The following SGMS2 variants were observed in gnomAD, a reference collection of about 807,000 sequenced individuals.
SGMS2 encodes sphingomyelin synthase 2.
In SGMS2, 21 loss-of-function variants were observed where a neutral mutation model predicts 43.8. The ratio of observed to expected loss-of-function variants is 0.48; its 90% confidence interval spans 0.34 to 0.69. The LOEUF is 0.69. SGMS2 is among the 30% of genes least tolerant of loss of function. The pLI is 0.01. For missense variants in SGMS2, 384 were observed against 443.2 expected, an observed-to-expected ratio of 0.87 and a Z score of 1.20; for synonymous variants, 167 against 160.6, an observed-to-expected ratio of 1.04 and a Z score of -0.30.
At chr4:107,837,561 A>G (rs1307028711) in intron 1 of SGMS2, among the ~76,000 whole-genome samples, 1 of 152,164 alleles carries the variant, frequency 6.6e-6, no homozygotes, top group African/African-American at 2.4e-5. Flanking sequence ...TAGGGCTGGC[A>G]TGCTTTGTAA....
chr4:107,903,924 C>G (rs1731339834), intron 5 of SGMS2, among the ~76,000 whole-genome samples: 1 of 152,046 alleles, frequency 6.6e-6, no homozygotes, highest in South Asian at 2.1e-4. Context: ...CTTCATGGAC[C>G]ATTTTGCCAA....
At position 107,885,681 on chromosome 4, in the gene SGMS2, A is replaced by G. The variant is rs1030815333; in HGVS notation, c.-244-9629A>G. Among the ~76,000 whole-genome samples the G allele has an allele frequency of 2.6e-5, 4 of 152,342 alleles. No individual in the cohort carries two copies. The South Asian group carries it at 8.3e-4, about 32-fold the overall frequency. On this transcript the variant is annotated intron_variant, in intron 2 of 6. Transcript: ENST00000690982. ...CCAAGAAAATGAAAACAAAACAGGC[A>G]GGTAATGACTAAAAGGCAGAAAAGA... is the stretch of plus-strand genomic sequence containing the variant.
At chr4:107,869,495 G>T (rs1728392001) in intron 2 of SGMS2, among the ~76,000 whole-genome samples, 1 of 152,182 alleles carries the variant, frequency 6.6e-6, no homozygotes. Flanking sequence ...GTAGGGGCCA[G>T]ATTATGAAAA....
chr4:107,842,696 C>A (rs1023951381), intron 1 of SGMS2, among the ~76,000 whole-genome samples: 4 of 152,162 alleles, frequency 2.6e-5, no homozygotes, highest in African/African-American at 9.7e-5. Context: ...TTGAGGCAGG[C>A]TCATTCTATC....
At chr4:107,879,914 TC>T (rs1422699359) in intron 2 of SGMS2, among the ~76,000 whole-genome samples, 2 of 152,186 alleles carry the variant, frequency 1.3e-5, no homozygotes, top group Admixed American at 1.3e-4. Context: ...GAAAGAAACT[TC>T]CAGCCCACTT....
rs1261984781 is a variant in SGMS2, at chr4:107,855,150, G to A, written c.-326-3322G>A. On this transcript the variant is annotated intron_variant, in intron 1 of 6. Transcript: ENST00000690982. ...TAATGCTTACTATATACCAGGTGCTGTTTCTGATGTCTTTATTAGTATTAA... is the reference window on the plus strand; with the variant it reads ...TAATGCTTACTATATACCAGGTGCTATTTCTGATGTCTTTATTAGTATTAA... 2.6e-5 allele frequency among the ~76,000 whole-genome samples: 4 copies of A among 152,058 alleles called. No individual in the cohort carries two copies. The South Asian group carries it at 8.3e-4, about 31-fold the overall frequency.
intron 1 of SGMS2, among the ~76,000 whole-genome samples, chr4:107,844,476 A>G (rs979893819): frequency 3.9e-5 from 6 of 152,128 alleles, no homozygotes; most frequent in African/African-American, 1.2e-4. Context: ...CTGAGGCTGA[A>G]AGATCACATG....
At chr4:107,881,712 A>C (rs1426654797) in intron 2 of SGMS2, among the ~76,000 whole-genome samples, 1 of 152,052 alleles carries the variant, frequency 6.6e-6, no homozygotes, top group Non-Finnish European at 1.5e-5. Flanking sequence ...CATTCTATCT[A>C]ACTATATTTT....
intron 2 of SGMS2, among the ~76,000 whole-genome samples, chr4:107,892,586 A>G (rs912252296): frequency 6.6e-6 from 1 of 152,154 alleles, no homozygotes; most frequent in African/African-American, 2.4e-5. Flanking sequence ...TGGTCAGAGC[A>G]CAGTTTGGTT....
In SGMS2 at chr4:107,908,625, T is replaced by A; in HGVS notation, c.788T>A (p.Ile263Asn). ...LICWLLSAAG[I>N]ICILVAHEHY... ...TGCTGGCTGCTGAGTGCTGCCGGGA[T>A]CATCTGCATTCTTGTAGCACACGAA... The change falls in exon 6 of 7, where the codon ATC (isoleucine) becomes AAC (asparagine). Residue 263 changes from isoleucine (I) to asparagine (N), a missense_variant. Coordinates refer to ENST00000690982, the MANE Select transcript of SGMS2 (RefSeq NM_001375905.1). The A allele has an allele frequency of 6.2e-7, 1 of 1,614,132 alleles. No homozygotes were observed. The highest frequency in any genetic ancestry group is 8.5e-7 in the Non-Finnish European group (1 of 1,179,990).
At position 107,912,379 on chromosome 4, in the gene SGMS2, A is replaced by G. The variant is rs1050724757; in HGVS notation, c.*1826A>G. On this transcript the variant is annotated 3_prime_UTR_variant, in exon 7 of 7. Coordinates refer to ENST00000690982, the MANE Select transcript of SGMS2 (RefSeq NM_001375905.1). Reference sequence around the variant, plus strand: ...ATTTCTTATTAAATACACCAATAATAAACATATACTTAGTTTACCTGATGA... The same window carrying G: ...ATTTCTTATTAAATACACCAATAATGAACATATACTTAGTTTACCTGATGA... 2.6e-5 allele frequency: 4 copies of G among 152,208 alleles called. No homozygotes were observed. The highest frequency in any genetic ancestry group is 9.6e-5 in the African/African-American group (4 of 41,464). The allele number at this position is 152,208 out of a possible 1,614,324, so 9.4% of individuals were successfully genotyped here.
chr4:107,857,644 T>C (rs1727500127), intron 1 of SGMS2, among the ~76,000 whole-genome samples: 1 of 152,072 alleles, frequency 6.6e-6, no homozygotes, highest in Non-Finnish European at 1.5e-5. Context: ...ACTGCAGACC[T>C]CTGGCCAGTA....
At chr4:107,852,362 A>G (rs1727199667) in intron 1 of SGMS2, among the ~76,000 whole-genome samples, 1 of 152,066 alleles carries the variant, frequency 6.6e-6, no homozygotes, top group South Asian at 2.1e-4. Context: ...TTTAAAAAAG[A>G]ATGTGACTAT....
In SGMS2 at chr4:107,912,618, C is replaced by G. The variant is rs1732195384; in HGVS notation, c.*2065C>G. 2 of 152,088 alleles carry G rather than the reference C, an allele frequency of 1.3e-5. No individual in the cohort carries two copies. The highest frequency in any genetic ancestry group is 6.6e-5 in the Admixed American group (1 of 15,248). 9.4% of individuals were successfully genotyped at this position (152,088 alleles called of 1,614,324 possible). A position where few individuals can be genotyped will look rare whatever the true frequency, so the allele number is the denominator to read the frequency against. The stretch of plus-strand genomic sequence containing the variant: ...ATTCAAATAAAACAAACTGATACAC[C>G]TTACAGCCTTATTCATCTGTGTCTG... On this transcript the variant is annotated 3_prime_UTR_variant, in exon 7 of 7. Coordinates refer to ENST00000690982, the MANE Select transcript of SGMS2 (RefSeq NM_001375905.1).
chr4:107,888,135 C>T (rs540276855), intron 2 of SGMS2, among the ~76,000 whole-genome samples: 1 of 152,194 alleles, frequency 6.6e-6, no homozygotes, highest in South Asian at 2.1e-4. Context: ...TAATTTCTGG[C>T]CCAGTGTCTT....
intron 2 of SGMS2, among the ~76,000 whole-genome samples, chr4:107,862,801 T>C (rs1727831610): frequency 6.6e-6 from 1 of 152,212 alleles, no homozygotes; most frequent in African/African-American, 2.4e-5. Flanking sequence ...GTTGTCTTCA[T>C]CCTGCCAAAC....
chr4:107,863,765 G>T (rs1727914498), intron 2 of SGMS2: 1 of 152,134 alleles, frequency 6.6e-6, no homozygotes. Context: ...TAATAAAAAT[G>T]CAGTCACAAA....
chr4:107,825,692 G>C (rs534212812), intron 1 of SGMS2, among the ~76,000 whole-genome samples: 1 of 145,546 alleles, frequency 6.9e-6, no homozygotes, highest in East Asian at 2.0e-4. Context: ...GCTCTGGGCA[G>C]CCCACACCGA....
At chr4:107,899,306 A>C (rs914612274) in intron 3 of SGMS2, among the ~76,000 whole-genome samples, 4 of 152,034 alleles carry the variant, frequency 2.6e-5, no homozygotes, top group African/African-American at 4.8e-5. Flanking sequence ...CCCCCACCCC[A>C]CACACACACA....
Sources: gnomAD v4.1 joint callset for allele counts (sites outside exome capture counted in the v4.1 genomes callset) on GRCh38, gnomAD v4.1.1 for gene constraint, MANE v1.5 for transcripts, NCBI Gene and HGNC (gene_info 2026-07-23, HGNC 2026-07-21) for gene names.